Variants in CTNNA2 observed in about 807,000 individuals in gnomAD.
CTNNA2 encodes catenin alpha-2.
Under a neutral mutation model 101.0 loss-of-function variants are expected in CTNNA2, and 42 were observed. The ratio of observed to expected loss-of-function variants is 0.42; its 90% CI spans 0.32 to 0.54. The LOEUF is 0.54. Ranked by LOEUF, CTNNA2 falls within the 20% of genes least tolerant of loss-of-function variation. The probability of loss-of-function intolerance (pLI) is 0.14; values close to 1 mark genes in which losing one functional copy is unlikely to be tolerated. For missense variants in CTNNA2, 871 were observed against 1,223.1 expected (o/e 0.71, Z 4.29); for synonymous variants, 450 against 456.4 (o/e 0.99, Z 0.18).
At chr2:79,799,333 C>A (rs1160580) in intron 3 of CTNNA2, among the ~76,000 whole-genome samples, 18,566 of 151,932 alleles carry the variant, frequency 0.12, 1,699 homozygotes, top group East Asian at 0.37. Flanking sequence ...ATTCCAAACA[C>A]CACACCCCGC....
chr2:80,225,623 T>C (rs1257012213), intron 7 of CTNNA2, among the ~76,000 whole-genome samples: 3 of 152,222 alleles, frequency 2.0e-5, no homozygotes, highest in Non-Finnish European at 4.4e-5. Context: ...AGTAACTTCA[T>C]TGAAAACAGC....
chr2:79,760,848 G>C (rs774983035), intron 3 of CTNNA2, among the ~76,000 whole-genome samples: 9 of 152,238 alleles, frequency 5.9e-5, no homozygotes, highest in Middle Eastern at 3.4e-3. Flanking sequence ...ATTTCTCCTG[G>C]AAAACCCTTG....
intron 7 of CTNNA2, among the ~76,000 whole-genome samples, chr2:80,164,318 C>A (rs1401070560): frequency 6.6e-6 from 1 of 151,848 alleles, no homozygotes; most frequent in Non-Finnish European, 1.5e-5. Flanking sequence ...TATCTCTTGG[C>A]ATAGCCTTTT....
intron 4 of CTNNA2, among the ~76,000 whole-genome samples, chr2:79,432,892 A>G (rs1436000910): frequency 6.6e-6 from 1 of 152,260 alleles, no homozygotes; most frequent in African/African-American, 2.4e-5. Context: ...ATATTATATT[A>G]CTATTCAAAT....
rs1027781168 is a variant in CTNNA2 at position 80,040,514 on chromosome 2, A to G, written c.1056+130717A>G. On this transcript the variant is annotated intron_variant, in intron 7 of 18. Coordinates refer to ENST00000402739, the MANE Select transcript of CTNNA2 (RefSeq NM_001282597.3). ...CAGTTTTTAAAGGGGCTGTTCCTGT[A>G]CACTGCATTTTCACCTTCACCATTA... 3.9e-4 allele frequency among the ~76,000 whole-genome samples: 60 copies of G among 152,206 alleles called. 3 individuals carry two copies. Among genetic ancestry groups the G allele is most frequent in the Non-Finnish European group, 1.5e-5 (1 of 68,042 alleles).
At chr2:80,024,743 G>T (rs1558738674) in intron 7 of CTNNA2, among the ~76,000 whole-genome samples, 2 of 151,898 alleles carry the variant, frequency 1.3e-5, no homozygotes, top group Non-Finnish European at 2.9e-5. Context: ...GCCCCAGAGG[G>T]TGTATGTTAC....
chr2:80,057,900 C>A (rs889740535), intron 7 of CTNNA2, among the ~76,000 whole-genome samples: 1 of 152,092 alleles, frequency 6.6e-6, no homozygotes, highest in Non-Finnish European at 1.5e-5. Context: ...TACGCAGATA[C>A]CCCTCTTGCT....
At chr2:79,209,479 T>A (rs59028173) in intron 2 of CTNNA2, among the ~76,000 whole-genome samples, 18,090 of 152,290 alleles carry the variant, frequency 0.12, 1,145 homozygotes, top group Middle Eastern at 0.19. Flanking sequence ...AACATCTACC[T>A]GGTTCTCTCA....
At chr2:80,263,010 A>C (rs963135906) in intron 7 of CTNNA2, among the ~76,000 whole-genome samples, 3 of 152,216 alleles carry the variant, frequency 2.0e-5, no homozygotes, top group African/African-American at 7.2e-5. Context: ...GGAATTATGT[A>C]ATCTGGCCCT....
intron 18 of CTNNA2, among the ~76,000 whole-genome samples, chr2:80,643,506 G>A (rs1417208658): frequency 6.6e-6 from 1 of 152,108 alleles, no homozygotes; most frequent in Non-Finnish European, 1.5e-5. Context: ...TTTCTCTTAG[G>A]TTAGATACAG....
chr2:80,508,545 C>A (rs1004127785), intron 9 of CTNNA2, among the ~76,000 whole-genome samples: 5 of 151,816 alleles, frequency 3.3e-5, no homozygotes, highest in African/African-American at 1.2e-4. Flanking sequence ...TTAAGGAATC[C>A]GTAGCTTTAC....
intron 3 of CTNNA2, among the ~76,000 whole-genome samples, chr2:79,325,276 C>A (rs1438350767): frequency 2.0e-5 from 3 of 152,132 alleles, no homozygotes; most frequent in Non-Finnish European, 4.4e-5. Flanking sequence ...ATGGGATTAC[C>A]TTTCAAACCA....
intron 4 of CTNNA2, among the ~76,000 whole-genome samples, chr2:79,866,860 T>G (rs1032630996): frequency 2.0e-5 from 3 of 152,314 alleles, no homozygotes; most frequent in Admixed American, 1.3e-4. Context: ...CTGTGCATAG[T>G]GTGTAGACAT....
At chr2:80,009,602 A>C (rs184563299) in intron 7 of CTNNA2, among the ~76,000 whole-genome samples, 1 of 152,276 alleles carries the variant, frequency 6.6e-6, no homozygotes, top group Admixed American at 6.5e-5. Context: ...ATATATATTT[A>C]AAAGTTTTTA....
At chr2:80,113,412 A>G (rs780699650) in intron 7 of CTNNA2, among the ~76,000 whole-genome samples, 3 of 152,206 alleles carry the variant, frequency 2.0e-5, no homozygotes, top group Non-Finnish European at 4.4e-5. Flanking sequence ...TGGTGTGCAT[A>G]TGGATTTGAA....
At chr2:79,196,857 C>A (rs1044498753) in intron 1 of CTNNA2, among the ~76,000 whole-genome samples, 1 of 152,128 alleles carries the variant, frequency 6.6e-6, no homozygotes, top group Non-Finnish European at 1.5e-5. Flanking sequence ...TTTTGTTTTG[C>A]AGGATTATTG....
chr2:80,092,686 T>TAGC (rs140864864), intron 7 of CTNNA2, among the ~76,000 whole-genome samples: 8,978 of 152,184 alleles, frequency 0.059, 353 homozygotes, highest in Non-Finnish European at 0.091. Flanking sequence ...GCTTAATCAA[T>TAGC]AGTCTGGGAA....
At chr2:79,556,250 T>A (rs1358015155) in intron 1 of CTNNA2, among the ~76,000 whole-genome samples, 1 of 151,936 alleles carries the variant, frequency 6.6e-6, no homozygotes, top group Non-Finnish European at 1.5e-5. Flanking sequence ...ATTGGCAGGG[T>A]TTCATGCATT....
At chr2:80,579,299 G>C (rs986314999) in intron 13 of CTNNA2, 1 of 152,164 alleles carries the variant, frequency 6.6e-6, no homozygotes, top group African/African-American at 2.4e-5. Flanking sequence ...TCTACTGAAT[G>C]CACAGATCAC....
Sources: allele counts gnomAD v4.1 joint callset (sites outside exome capture counted in the v4.1 genomes callset), GRCh38; gene constraint gnomAD v4.1.1; transcripts MANE v1.5; gene names NCBI Gene and HGNC (gene_info 2026-07-23, HGNC 2026-07-21).